FRMD3: variants seen among roughly 807,000 people sequenced by gnomAD.
FRMD3 encodes the protein FERM domain-containing protein 3.
A neutral mutation model predicts 70.2 loss-of-function variants in FRMD3; 33 were observed. The observed-to-expected ratio is 0.47, with a 90% CI of 0.36 to 0.63. FRMD3 has a LOEUF of 0.63. FRMD3 is among the 20% of genes least tolerant of loss of function. The pLI is 0.00. For missense variants in FRMD3, 632 were observed against 711.4 expected, an observed-to-expected ratio of 0.89 and a Z score of 1.27; for synonymous variants, 279 against 255.9, an observed-to-expected ratio of 1.09 and a Z score of -0.86.
intron 3 of FRMD3, 105 bp from the exon 4 acceptor site, chr9:83,349,862 T>C: frequency 1.3e-6 from 1 of 743,660 alleles, no homozygotes; most frequent in Non-Finnish European, 2.2e-6. Flanking sequence ...GCCTGGGGAG[T>C]GGGGGCCAGG....
intron 1 of FRMD3, among the ~76,000 whole-genome samples, chr9:83,518,422 C>A (rs1015086205): frequency 6.6e-6 from 1 of 152,136 alleles, no homozygotes; most frequent in Non-Finnish European, 1.5e-5. Context: ...CCTAGGAATA[C>A]AACTTACAAG....
chr9:83,404,665 G>C (rs1290748283), intron 1 of FRMD3, among the ~76,000 whole-genome samples: 1 of 152,040 alleles, frequency 6.6e-6, no homozygotes, highest in African/African-American at 2.4e-5. Flanking sequence ...AAACTCAGAC[G>C]TTTTATGTTT....
At chr9:83,548,688 T>C in the FRMD3 span, among the ~76,000 whole-genome samples, 4 of 152,160 alleles carry the variant, frequency 2.6e-5, no homozygotes, top group Non-Finnish European at 4.4e-5. Flanking sequence ...CCCATAGAAC[T>C]GTGCAACATA....
intron 1 of FRMD3, among the ~76,000 whole-genome samples, chr9:83,443,733 T>C (rs1392534869): frequency 6.6e-6 from 1 of 152,158 alleles, no homozygotes; most frequent in Non-Finnish European, 1.5e-5. Context: ...CCCACAATTG[T>C]TGAAGCAGTC....
At chr9:83,510,330 T>A (rs1199655878) in intron 1 of FRMD3, among the ~76,000 whole-genome samples, 1 of 152,144 alleles carries the variant, frequency 6.6e-6, no homozygotes, top group Non-Finnish European at 1.5e-5. Flanking sequence ...CTTTACCACT[T>A]CAAATCCACT....
At chr9:83,442,015 G>A (rs528976610) in intron 1 of FRMD3, among the ~76,000 whole-genome samples, 7 of 152,204 alleles carry the variant, frequency 4.6e-5, no homozygotes, top group Non-Finnish European at 7.4e-5. Context: ...AAGAACGTGC[G>A]CACTAAAGCC....
chr9:83,572,243 A>C, the FRMD3 span, among the ~76,000 whole-genome samples: 2 of 152,042 alleles, frequency 1.3e-5, no homozygotes, highest in African/African-American at 4.8e-5. Flanking sequence ...GAGTCAAGTA[A>C]AGAGGAAAAG....
chr9:83,465,706 A>AC (rs1298635315), intron 1 of FRMD3, among the ~76,000 whole-genome samples: 9 of 152,164 alleles, frequency 5.9e-5, no homozygotes, highest in African/African-American at 1.9e-4. Flanking sequence ...TACATGCTAT[A>AC]CCCTGCCAGC....
At chr9:83,326,234 C>T (rs757589452) in intron 6 of FRMD3, among the ~76,000 whole-genome samples, 8 of 152,106 alleles carry the variant, frequency 5.3e-5, no homozygotes, top group Non-Finnish European at 1.2e-4. Context: ...TAGTGCTTAA[C>T]ACACAGTATG....
At chr9:83,384,160 T>A (rs11140063) in intron 2 of FRMD3, among the ~76,000 whole-genome samples, 3 of 152,150 alleles carry the variant, frequency 2.0e-5, no homozygotes, top group Non-Finnish European at 4.4e-5. Flanking sequence ...ACCCAAGAAG[T>A]CTTGATCTTT....
rs561888035 is a variant in FRMD3, at chr9:83,424,934, G to A, written c.148-35226C>T. On this transcript the variant is annotated intron_variant, in intron 1 of 13. Coordinates refer to ENST00000304195, the MANE Select transcript of FRMD3 (RefSeq NM_174938.6). ...CTTTGCAACTCATACTGGTTTTATT[G>A]TCCTGCGCTACTGCTCCAACTAGTA... Among the ~76,000 whole-genome samples the A allele has an allele frequency of 3.3e-5, 5 of 152,292 alleles. No individual in the cohort carries two copies. The East Asian group carries it at 5.8e-4, about 18-fold the overall frequency.
At chr9:83,453,206 A>C (rs953899739) in intron 1 of FRMD3, among the ~76,000 whole-genome samples, 6 of 152,194 alleles carry the variant, frequency 3.9e-5, no homozygotes, top group African/African-American at 1.2e-4. Flanking sequence ...TCTCAAAATT[A>C]AGTCCATCAA....
chr9:83,534,950 T>C (rs1829861726), intron 1 of FRMD3, among the ~76,000 whole-genome samples: 1 of 152,244 alleles, frequency 6.6e-6, no homozygotes, highest in African/African-American at 2.4e-5. Flanking sequence ...GATTTACCTC[T>C]TTCCATGTCT....
intron 10 of FRMD3, among the ~76,000 whole-genome samples, chr9:83,307,642 T>C (rs1035454914): frequency 9.9e-5 from 15 of 152,042 alleles, no homozygotes; most frequent in East Asian, 3.9e-4. Flanking sequence ...TTGCCAGAGA[T>C]TGGGGGGAGG....
At chr9:83,372,133 T>C (rs1251964574) in intron 3 of FRMD3, among the ~76,000 whole-genome samples, 1 of 152,132 alleles carries the variant, frequency 6.6e-6, no homozygotes. Context: ...ATAAGTGGAT[T>C]TGGGGGCAGG....
At chr9:83,287,613 T>TC (rs1222358879) in intron 13 of FRMD3, among the ~76,000 whole-genome samples, 5 of 152,134 alleles carry the variant, frequency 3.3e-5, no homozygotes, top group Non-Finnish European at 5.9e-5. Flanking sequence ...CCCAGAACCC[T>TC]CTTCCCTGAA....
intron 1 of FRMD3, among the ~76,000 whole-genome samples, chr9:83,438,931 A>C (rs1003413718): frequency 2.0e-5 from 3 of 152,200 alleles, no homozygotes; most frequent in African/African-American, 7.2e-5. Flanking sequence ...GTCTCTCTCC[A>C]GAGAAAGAAA....
intron 1 of FRMD3, among the ~76,000 whole-genome samples, chr9:83,460,972 T>C (rs1249400064): frequency 6.9e-6 from 1 of 145,430 alleles, no homozygotes; most frequent in African/African-American, 2.5e-5. Flanking sequence ...GCTCTTGGAG[T>C]GTAGAGGTGG....
chr9:83,528,649 C>T (rs1220376685), intron 1 of FRMD3, among the ~76,000 whole-genome samples: 1 of 152,092 alleles, frequency 6.6e-6, no homozygotes, highest in Non-Finnish European at 1.5e-5. Flanking sequence ...CCCACCTCAG[C>T]CTCCCAAGTA....
Sources: allele counts gnomAD v4.1 joint callset (sites outside exome capture counted in the v4.1 genomes callset), GRCh38; gene constraint gnomAD v4.1.1; transcripts MANE v1.5; gene names NCBI Gene and HGNC (gene_info 2026-07-23, HGNC 2026-07-21).